CNTN6: variants seen among roughly 807,000 people sequenced by gnomAD.
CNTN6 encodes contactin 6, also known as contactin-6.
Under a neutral mutation model 122.8 loss-of-function variants are expected in CNTN6, and 137 were observed. The observed-to-expected ratio is 1.12, with a 90% CI of 0.97 to 1.29. The LOEUF is 1.29. CNTN6 is among the 50% of genes most tolerant of loss of function. The probability of loss-of-function intolerance (pLI) is 0.00; values close to 1 mark genes in which losing one functional copy is unlikely to be tolerated. For missense variants in CNTN6, 1,634 were observed against 1,223.4 expected, an observed-to-expected ratio of 1.34 and a Z score of -5.01; for synonymous variants, 570 against 426.0, an observed-to-expected ratio of 1.34 and a Z score of -4.16.
At chr3:1,273,646 T>A (rs1004552396) in intron 4 of CNTN6, among the ~76,000 whole-genome samples, 1 of 152,162 alleles carries the variant, frequency 6.6e-6, no homozygotes, top group Non-Finnish European at 1.5e-5. Context: ...TATTAAACAG[T>A]TTTAAAACGT....
chr3:1,322,485 C>T (rs1330301027), intron 8 of CNTN6, among the ~76,000 whole-genome samples: 1 of 151,646 alleles, frequency 6.6e-6, no homozygotes, highest in Non-Finnish European at 1.5e-5. Flanking sequence ...TTGCAAAATG[C>T]TGTATACTAT....
chr3:1,100,235 C>T (rs1039153469), intron 1 of CNTN6, among the ~76,000 whole-genome samples: 4 of 152,110 alleles, frequency 2.6e-5, no homozygotes, highest in African/African-American at 7.2e-5. Context: ...TGTTGAAAAT[C>T]GCTTATGTTA....
chr3:1,283,196 C>T (rs1369267789), intron 5 of CNTN6, among the ~76,000 whole-genome samples: 5 of 152,126 alleles, frequency 3.3e-5, no homozygotes, highest in African/African-American at 9.7e-5. Flanking sequence ...CTCATGTGAT[C>T]CGCCTGCCTC....
intron 4 of CNTN6, among the ~76,000 whole-genome samples, chr3:1,237,734 G>T (rs62229422): frequency 6.6e-6 from 1 of 152,018 alleles, no homozygotes; most frequent in Non-Finnish European, 1.5e-5. Context: ...AAAGGGATTG[G>T]GATTCTATTT....
chr3:1,378,884 T>C (rs1411374468), intron 17 of CNTN6, among the ~76,000 whole-genome samples: 1 of 152,138 alleles, frequency 6.6e-6, no homozygotes, highest in Non-Finnish European at 1.5e-5. Flanking sequence ...CTACCTTAAG[T>C]AGTAAGTTAA....
chr3:1,273,921 A>G (rs1397953473), intron 4 of CNTN6, among the ~76,000 whole-genome samples: 14 of 152,214 alleles, frequency 9.2e-5, no homozygotes, highest in Non-Finnish European at 2.1e-4. Flanking sequence ...AAGATGATTG[A>G]TGTTCCTAGG....
chr3:1,378,613 A>G (rs995007392), intron 17 of CNTN6, among the ~76,000 whole-genome samples: 1 of 152,032 alleles, frequency 6.6e-6, no homozygotes, highest in Non-Finnish European at 1.5e-5. Flanking sequence ...AGAGGGGGAA[A>G]CCCTATTTTT....
intron 4 of CNTN6, among the ~76,000 whole-genome samples, chr3:1,253,168 C>T (rs1281867343): frequency 6.6e-6 from 1 of 152,156 alleles, no homozygotes; most frequent in African/African-American, 2.4e-5. Flanking sequence ...CATCAGAGGA[C>T]TTGTATATTT....
At chr3:1,374,138 A>C (rs1559957462) in intron 16 of CNTN6, 65 bp downstream of exon 16, 2 of 1,349,970 alleles carry the variant, frequency 1.5e-6, no homozygotes, top group Admixed American at 4.2e-5. Context: ...AAAACAAAAC[A>C]AGTATTTTTA....
chr3:1,374,803 A>G (rs115626332), intron 16 of CNTN6, among the ~76,000 whole-genome samples: 156 of 152,246 alleles, frequency 1.0e-3, no homozygotes, highest in African/African-American at 3.6e-3. Context: ...TTACCTTATT[A>G]AAGTGTGCAC....
At chr3:1,290,823 G>C (rs1031083110) in intron 5 of CNTN6, among the ~76,000 whole-genome samples, 1 of 152,196 alleles carries the variant, frequency 6.6e-6, no homozygotes, top group Admixed American at 6.5e-5. Flanking sequence ...GTGTAGCAGT[G>C]AGGACAGCCA....
chr3:1,261,080 G>T (rs1353419415), intron 4 of CNTN6, among the ~76,000 whole-genome samples: 1 of 152,168 alleles, frequency 6.6e-6, no homozygotes, highest in African/African-American at 2.4e-5. Context: ...TTTGCCACCA[G>T]TGGAAACTAA....
chr3:1,357,095 T>C (rs1368903426), intron 12 of CNTN6, among the ~76,000 whole-genome samples: 2 of 151,930 alleles, frequency 1.3e-5, no homozygotes, highest in African/African-American at 4.8e-5. Context: ...TCTTAATGTA[T>C]ATTTTACAAA....
chr3:1,390,713 A>G (rs1396451398), intron 20 of CNTN6, among the ~76,000 whole-genome samples: 1 of 152,068 alleles, frequency 6.6e-6, no homozygotes, highest in Admixed American at 6.5e-5. Flanking sequence ...ATAAAAAATG[A>G]TAAAGGGGAT....
Position 1,382,993 on chromosome 3 carries a change from T to C in CNTN6, c.2218T>C (p.Phe740Leu), listed in dbSNP as rs764692783. 1 of 1,614,138 alleles carries C rather than the reference T, an allele frequency of 6.2e-7. No homozygotes were observed. Among genetic ancestry groups the C allele is most frequent in the South Asian group, 1.1e-5 (1 of 91,090 alleles). The part of the protein sequence containing the change: ...NGEGFGYIIM[F>L]RPVGSTTWSK... ...GGAGGGATTTGGATATATCATCATGTTCCGGCCAGTGGGCTCGACAACCTG... is the reference window on the plus strand; with the variant it reads ...GGAGGGATTTGGATATATCATCATGCTCCGGCCAGTGGGCTCGACAACCTG... Residue 740 changes from phenylalanine (F) to leucine (L), a missense_variant, in exon 18 of 23, where the codon TTC becomes CTC. Physicochemically the swap from Phe to Leu is conservative, Grantham distance 22. Transcript: ENST00000446702.
At position 1,259,896 on chromosome 3, in the gene CNTN6, T is replaced by TTAAA. The variant is rs558520814; in HGVS notation, c.359-18515_359-18514insAATA. Among the ~76,000 whole-genome samples the TTAAA allele has an allele frequency of 2.9e-3, 443 of 151,966 alleles. 1 individual carries two copies. Among genetic ancestry groups the TTAAA allele is most frequent in the African/African-American group, 9.9e-3 (409 of 41,330 alleles). On this transcript the variant is annotated intron_variant, in intron 4 of 22. Transcript: ENST00000446702. ...ACATACAAACACACAATAGTATATA[T>TTAAA]TAGTCATTTTTATTTAGAGGAATAA...
intron 7 of CNTN6, among the ~76,000 whole-genome samples, chr3:1,316,153 C>G (rs1204458524): frequency 6.6e-6 from 1 of 151,826 alleles, no homozygotes; most frequent in African/African-American, 2.4e-5. Flanking sequence ...CAAAATAAGC[C>G]TATGAATTGT....
At chr3:1,330,994 A>G (rs940818611) in intron 11 of CNTN6, among the ~76,000 whole-genome samples, 1 of 151,866 alleles carries the variant, frequency 6.6e-6, no homozygotes, top group African/African-American at 2.4e-5. Flanking sequence ...ATGCCAGAAA[A>G]AAGTAGCCAT....
In CNTN6 at chr3:1,366,156, A is replaced by T. The variant is rs2126119800; in HGVS notation, c.1493-6143A>T. Reference sequence around the variant, plus strand: ...CTCAGGAAACTCTTACACATGTTAAAATTTTAAAACCACTAGATCAGACTT... The same window carrying T: ...CTCAGGAAACTCTTACACATGTTAATATTTTAAAACCACTAGATCAGACTT... On this transcript the variant is annotated intron_variant, in intron 12 of 22. Transcript: ENST00000446702. Among the ~76,000 whole-genome samples the T allele has an allele frequency of 2.0e-5, 3 of 152,292 alleles. No homozygotes were observed. In the South Asian group the frequency reaches 6.2e-4, roughly 32 times the overall value.
Sources: gnomAD v4.1 joint callset for allele counts (sites outside exome capture counted in the v4.1 genomes callset) on GRCh38, gnomAD v4.1.1 for gene constraint, MANE v1.5 for transcripts, NCBI Gene and HGNC (gene_info 2026-07-23, HGNC 2026-07-21) for gene names.